The following RBFOX3 variants were observed in gnomAD, a reference collection of about 807,000 sequenced individuals.
RBFOX3 encodes the protein RNA binding protein fox-1 homolog 3.
Under a neutral mutation model 48.7 loss-of-function variants are expected in RBFOX3, and 17 were observed. That is an observed-to-expected ratio of 0.35 (90% CI 0.24 to 0.52). The LOEUF is 0.52. RBFOX3 is among the 20% of genes least tolerant of loss of function. The pLI is 0.94. For synonymous variants in RBFOX3, 212 were observed against 209.5 expected, an observed-to-expected ratio of 1.01 and a Z score of -0.10; for missense variants, 382 against 497.5, an observed-to-expected ratio of 0.77 and a Z score of 2.21.
At chr17:79,556,540 G>A (rs1439433584) in intron 1 of RBFOX3, among the ~76,000 whole-genome samples, 1 of 152,164 alleles carries the variant, frequency 6.6e-6, no homozygotes, top group Non-Finnish European at 1.5e-5. Context: ...ACAGGAGGAG[G>A]AGCTGTAACC....
rs145149978 is a variant in RBFOX3, at chr17:79,384,359, CCT to C, written c.-174-76537_-174-76536del. ...CCACCCACAGGACATCTGGCCACGC[CCT>C]CCCTGTCTATGCCTAACAGACTTAC... is the stretch of plus-strand genomic sequence containing the variant. On this transcript the variant is annotated intron_variant, in intron 2 of 14. Coordinates refer to ENST00000693108, the MANE Select transcript of RBFOX3 (RefSeq NM_001350451.2). 2.5e-3 allele frequency among the ~76,000 whole-genome samples: 381 copies of C among 152,242 alleles called. 1 individual carries two copies. Among genetic ancestry groups the C allele is most frequent in the African/African-American group, 8.2e-3 (342 of 41,544 alleles).
At position 79,089,523 on chromosome 17, in the gene RBFOX3, AG is replaced by A. The variant is rs1450774891; in HGVS notation, c.*1359del. The stretch of plus-strand genomic sequence containing the variant: ...GCAAGAAAAGGGTCCGGAACAGCAG[AG>A]GGGACAGGGGGCTCTGTACAGAGGA... On this transcript the variant is annotated 3_prime_UTR_variant, in exon 15 of 15. Coordinates refer to ENST00000693108, the MANE Select transcript of RBFOX3 (RefSeq NM_001350451.2). 6.6e-6 allele frequency: 1 copy of A among 152,650 alleles called. No homozygotes were observed. The highest frequency in any genetic ancestry group is 6.5e-5 in the Admixed American group (1 of 15,274). The allele number at this position is 152,650 out of a possible 1,614,324, so 9.5% of individuals were successfully genotyped here. A position where few individuals can be genotyped will look rare whatever the true frequency, so the allele number is the denominator to read the frequency against.
rs1012551345 is a variant in RBFOX3, at chr17:79,586,263, G to A, written c.-320+24563C>T. On this transcript the variant is annotated intron_variant, in intron 1 of 14. Coordinates refer to ENST00000693108, the MANE Select transcript of RBFOX3 (RefSeq NM_001350451.2). Reference sequence around the variant, plus strand: ...CATTTCTGTCCCGGGACCCAGGCACGGACGTGTGAGCAAGCCTGAGTGAGC... The same window carrying A: ...CATTTCTGTCCCGGGACCCAGGCACAGACGTGTGAGCAAGCCTGAGTGAGC... Among the ~76,000 whole-genome samples the A allele has an allele frequency of 5.9e-5, 9 of 152,294 alleles. No individual in the cohort carries two copies. In the South Asian group the frequency reaches 1.2e-3, roughly 21 times the overall value.
At chr17:79,445,304 G>A (rs1384562888) in intron 2 of RBFOX3, among the ~76,000 whole-genome samples, 4 of 152,144 alleles carry the variant, frequency 2.6e-5, no homozygotes, top group Non-Finnish European at 5.9e-5. Context: ...CTGCCCAGTG[G>A]GAATGTCAGG....
intron 2 of RBFOX3, among the ~76,000 whole-genome samples, chr17:79,476,263 T>C (rs2077732817): frequency 1.3e-5 from 2 of 152,214 alleles, no homozygotes; most frequent in African/African-American, 4.8e-5. Context: ...TTGGGAGCGG[T>C]GTCCTGGGGA....
At chr17:79,125,120 G>A (rs2036843131) in intron 4 of RBFOX3, among the ~76,000 whole-genome samples, 1 of 152,192 alleles carries the variant, frequency 6.6e-6, no homozygotes, top group Admixed American at 6.5e-5. Flanking sequence ...GGGAATGAGC[G>A]AGCCACCTGC....
At chr17:79,554,850 G>A (rs1464713141) in intron 1 of RBFOX3, among the ~76,000 whole-genome samples, 1 of 152,124 alleles carries the variant, frequency 6.6e-6, no homozygotes, top group Non-Finnish European at 1.5e-5. Context: ...CCATGAGGTG[G>A]GGTTTCCTCT....
intron 3 of RBFOX3, among the ~76,000 whole-genome samples, chr17:79,294,542 C>T (rs974224183): frequency 1.3e-5 from 2 of 152,192 alleles, no homozygotes; most frequent in Non-Finnish European, 2.9e-5. Context: ...GAACTCCTGA[C>T]CTCAAATGAC....
chr17:79,197,645 T>G (rs1187449804), intron 4 of RBFOX3, among the ~76,000 whole-genome samples: 1 of 151,934 alleles, frequency 6.6e-6, no homozygotes, highest in Non-Finnish European at 1.5e-5. Flanking sequence ...TCCGCCCACC[T>G]CGGCCTCCCA....
intron 2 of RBFOX3, among the ~76,000 whole-genome samples, chr17:79,425,528 C>T (rs1427431225): frequency 3.3e-5 from 5 of 152,250 alleles, no homozygotes; most frequent in Non-Finnish European, 5.9e-5. Flanking sequence ...TTCAGAGGGG[C>T]AAAGCCTGAG....
At chr17:79,420,166 CACACACACAA>C (rs782250246) in intron 2 of RBFOX3, among the ~76,000 whole-genome samples, 19,529 of 135,202 alleles carry the variant, frequency 0.14, 1,634 homozygotes, top group East Asian at 0.29. Flanking sequence ...CACACACACA[CACACACACAA>C]AAGATGGTTA....
At chr17:79,303,851 C>CTCTGTGTG (rs1555657051) in intron 3 of RBFOX3, among the ~76,000 whole-genome samples, 2 of 147,780 alleles carry the variant, frequency 1.4e-5, no homozygotes, top group African/African-American at 5.0e-5. Context: ...GCATGTCTGC[C>CTCTGTGTG]TGTGTGTGTG....
intron 4 of RBFOX3, among the ~76,000 whole-genome samples, chr17:79,194,107 A>T (rs1285728811): frequency 6.6e-6 from 1 of 152,196 alleles, no homozygotes; most frequent in Non-Finnish European, 1.5e-5. Context: ...AAAAACAGAG[A>T]TGATTTTATC....
intron 4 of RBFOX3, among the ~76,000 whole-genome samples, chr17:79,136,753 C>G (rs1052783822): frequency 6.6e-6 from 1 of 152,178 alleles, no homozygotes; most frequent in Admixed American, 6.5e-5. Context: ...ATGCCTGCCC[C>G]AGGGCAGGCG....
chr17:79,244,255 G>A (rs796504724), intron 3 of RBFOX3, among the ~76,000 whole-genome samples: 28 of 152,274 alleles, frequency 1.8e-4, no homozygotes, highest in African/African-American at 2.2e-4. Context: ...GGATGGAGGC[G>A]GAGATTGGAG....
chr17:79,200,455 C>T (rs1444429721), intron 4 of RBFOX3, among the ~76,000 whole-genome samples: 5 of 152,232 alleles, frequency 3.3e-5, no homozygotes, highest in Non-Finnish European at 5.9e-5. Context: ...AAACCAGCCC[C>T]ACAGACAGAG....
intron 2 of RBFOX3, among the ~76,000 whole-genome samples, chr17:79,383,563 C>G (rs560584348): frequency 1.1e-4 from 17 of 152,320 alleles, no homozygotes; most frequent in African/African-American, 3.1e-4. Context: ...GGAGTACCCC[C>G]CCGATGGCTG....
intron 2 of RBFOX3, among the ~76,000 whole-genome samples, chr17:79,478,922 C>T (rs1173858180): frequency 6.6e-6 from 1 of 152,202 alleles, no homozygotes; most frequent in Non-Finnish European, 1.5e-5. Flanking sequence ...CTTTCCGAGG[C>T]AGAGGCAATG....
intron 2 of RBFOX3, among the ~76,000 whole-genome samples, chr17:79,445,079 G>C (rs956553812): frequency 6.6e-6 from 1 of 152,098 alleles, no homozygotes; most frequent in African/African-American, 2.4e-5. Context: ...CCTGTGTCAG[G>C]TTTCATGCTT....
Sources: gnomAD v4.1 joint callset for allele counts (sites outside exome capture counted in the v4.1 genomes callset) on GRCh38, gnomAD v4.1.1 for gene constraint, MANE v1.5 for transcripts, NCBI Gene and HGNC (gene_info 2026-07-23, HGNC 2026-07-21) for gene names.